GRIA4: variants seen among roughly 807,000 people sequenced by gnomAD.
The protein encoded by GRIA4 is glutamate receptor 4.
A neutral mutation model predicts 104.0 loss-of-function variants in GRIA4; 34 were observed. The ratio of observed to expected loss-of-function variants is 0.33; its 90% CI spans 0.25 to 0.44. GRIA4 has a LOEUF of 0.44. GRIA4 is among the 20% of genes least tolerant of loss of function. The pLI is 1.00. For missense variants in GRIA4, 750 were observed against 1,096.5 expected, an observed-to-expected ratio of 0.68 and a Z score of 4.46; for synonymous variants, 386 against 381.9, an observed-to-expected ratio of 1.01 and a Z score of -0.13.
chr11:105,726,036 T>C (rs1024144220), intron 3 of GRIA4, among the ~76,000 whole-genome samples: 1 of 152,044 alleles, frequency 6.6e-6, no homozygotes, highest in Non-Finnish European at 1.5e-5. Flanking sequence ...GCAATGCCAT[T>C]GAGACAGAAC....
intron 6 of GRIA4, 151 bp from the exon 7 acceptor site, chr11:105,898,118 T>G (rs1197630393): frequency 2.1e-6 from 1 of 476,968 alleles, no homozygotes; most frequent in Non-Finnish European, 3.7e-6. Flanking sequence ...TAATTAGATT[T>G]TCCACATCTT....
Position 105,980,650 on chromosome 11 carries a change from T to C in GRIA4, c.*911T>C, listed in dbSNP as rs1023869262. ...TGGTATTATTTATAATCTCATTCTGTGTACAACATTGTGGTTTTTGTACCC... is the reference window on the plus strand; with the variant it reads ...TGGTATTATTTATAATCTCATTCTGCGTACAACATTGTGGTTTTTGTACCC... On this transcript the variant is annotated 3_prime_UTR_variant, in exon 17 of 17. Coordinates refer to ENST00000282499, the MANE Select transcript of GRIA4 (RefSeq NM_000829.4). 1 of 152,672 alleles carries C rather than the reference T, an allele frequency of 6.5e-6. No homozygotes were observed. Among genetic ancestry groups the C allele is most frequent in the Non-Finnish European group, 1.5e-5 (1 of 68,040 alleles). The allele number at this position is 152,672 out of a possible 1,614,324, so 9.5% of individuals were successfully genotyped here.
At chr11:105,643,336 C>T (rs1218178550) in intron 3 of GRIA4, among the ~76,000 whole-genome samples, 1 of 152,050 alleles carries the variant, frequency 6.6e-6, no homozygotes, top group Non-Finnish European at 1.5e-5. Context: ...ATGTTAAGAT[C>T]AAGAAAAGGA....
At chr11:105,783,557 GCTGCT>G (rs1941819796) in intron 4 of GRIA4, among the ~76,000 whole-genome samples, 1 of 152,172 alleles carries the variant, frequency 6.6e-6, no homozygotes, top group Non-Finnish European at 1.5e-5. Context: ...AACCAGAACA[GCTGCT>G]CATCAGAAAC....
chr11:105,685,580 ATTACT>A (rs775987202), intron 3 of GRIA4, among the ~76,000 whole-genome samples: 17 of 152,210 alleles, frequency 1.1e-4, no homozygotes, highest in African/African-American at 2.7e-4. Flanking sequence ...TTTGAAACTA[ATTACT>A]TTAATTATAT....
At position 105,883,342 on chromosome 11, in the gene GRIA4, T is replaced by G. The variant is rs146561952; in HGVS notation, c.673-4177T>G. ...GTGCACAATGTGCAGGTTTGTTACA[T>G]ATGTATACATGCGCCATGTTGGTGT... On this transcript the variant is annotated intron_variant, in intron 5 of 16. Coordinates refer to ENST00000282499, the MANE Select transcript of GRIA4 (RefSeq NM_000829.4). 7.9e-5 allele frequency among the ~76,000 whole-genome samples: 12 copies of G among 151,612 alleles called. No individual in the cohort carries two copies. The East Asian group carries it at 2.3e-3, about 30-fold the overall frequency.
Position 105,911,612 on chromosome 11 carries a change from T to C in GRIA4, c.1269+1067T>C, listed in dbSNP as rs181103795. Among the ~76,000 whole-genome samples the C allele has an allele frequency of 2.6e-5, 4 of 151,240 alleles. No homozygotes were observed. The East Asian group carries it at 5.8e-4, about 22-fold the overall frequency. On this transcript the variant is annotated intron_variant, in intron 10 of 16. Transcript: ENST00000282499. ...AATGCCAGAGAGAAGCCTTCATATGTTGTACTTAGTTTTAACTGTGTTGCA... is the reference window on the plus strand; with the variant it reads ...AATGCCAGAGAGAAGCCTTCATATGCTGTACTTAGTTTTAACTGTGTTGCA...
At chr11:105,862,907 C>G (rs1014237901) in intron 5 of GRIA4, among the ~76,000 whole-genome samples, 2 of 152,176 alleles carry the variant, frequency 1.3e-5, no homozygotes, top group African/African-American at 4.8e-5. Flanking sequence ...CTGCCTTTCC[C>G]TACCCCTGCA....
chr11:105,622,403 G>A (rs1273727760), intron 3 of GRIA4, among the ~76,000 whole-genome samples: 5 of 151,694 alleles, frequency 3.3e-5, no homozygotes, highest in African/African-American at 4.8e-5. Context: ...AAAGTGCTTT[G>A]AACTGCTACA....
intron 3 of GRIA4, among the ~76,000 whole-genome samples, chr11:105,720,785 CA>C (rs1471919119): frequency 6.6e-6 from 1 of 152,158 alleles, no homozygotes; most frequent in Non-Finnish European, 1.5e-5. Flanking sequence ...AGAGAAACTG[CA>C]GGATTGTGCA....
chr11:105,614,246 G>C (rs1170369663), intron 3 of GRIA4: 1 of 151,082 alleles, frequency 6.6e-6, no homozygotes, highest in Non-Finnish European at 1.5e-5. Context: ...GTTTTATTTT[G>C]TTTCATTTTT....
intron 14 of GRIA4, among the ~76,000 whole-genome samples, chr11:105,951,758 G>C (rs1001317447): frequency 2.0e-5 from 3 of 151,984 alleles, no homozygotes; most frequent in Non-Finnish European, 4.4e-5. Context: ...AGGAGTTCGA[G>C]ACCAGCATGG....
Position 105,981,592 on chromosome 11 carries a change from A to ACACACAC in GRIA4, c.*1853_*1854insCACACAC, listed in dbSNP as rs765255898. 1,305 of 46,142 alleles carry ACACACAC rather than the reference A, an allele frequency of 0.028. 23 individuals carry two copies. Among genetic ancestry groups the ACACACAC allele is most frequent in the African/African-American group, 0.072 (1,028 of 14,230 alleles). The allele number at this position is 46,142 out of a possible 1,614,324, so 2.9% of individuals were successfully genotyped here. A position where few individuals can be genotyped will look rare whatever the true frequency, so the allele number is the denominator to read the frequency against. Reference sequence around the variant, plus strand: ...ACACACACACACACACACACACACAAGTCCCTCAGGAAAAATTCCAAGCTC... The same window carrying ACACACAC: ...ACACACACACACACACACACACACAACACACACGTCCCTCAGGAAAAATTCCAAGCTC... On this transcript the variant is annotated 3_prime_UTR_variant, in exon 17 of 17. Transcript: ENST00000282499.
chr11:105,618,925 T>C lies in GRIA4; in HGVS notation c.247+6491T>C, dbSNP rs562533917. On this transcript the variant is annotated intron_variant, in intron 3 of 16. Transcript: ENST00000282499. ...GGAAAATGAGGCAAGAGTAATTTCA[T>C]AGAAGCCAAAAGATAGGGAACCTGT... 8.7e-4 allele frequency among the ~76,000 whole-genome samples: 133 copies of C among 152,058 alleles called. 1 individual carries two copies. Among genetic ancestry groups the C allele is most frequent in the African/African-American group, 3.2e-3 (131 of 41,518 alleles).
intron 3 of GRIA4, among the ~76,000 whole-genome samples, chr11:105,682,041 TATA>T (rs569161082): frequency 2.7e-4 from 41 of 151,354 alleles, no homozygotes; most frequent in African/African-American, 7.3e-4. Context: ...CTCTGTCTAA[TATA>T]ATAATAATAA....
rs140471863 is a variant in GRIA4 at position 105,722,636 on chromosome 11, T to G, written c.248-30345T>G. Among the ~76,000 whole-genome samples the G allele has an allele frequency of 5.1e-4, 77 of 152,276 alleles. 1 individual carries two copies. The East Asian group carries it at 0.014, about 29-fold the overall frequency. ...CATCATAACTTTACTGATACTACTA[T>G]TTCTTTAATACCTTCTCTACTTTCT... On this transcript the variant is annotated intron_variant, in intron 3 of 16. Transcript: ENST00000282499.
chr11:105,718,751 C>T (rs914800055), intron 3 of GRIA4, among the ~76,000 whole-genome samples: 1 of 152,224 alleles, frequency 6.6e-6, no homozygotes. Context: ...TGGATACTCA[C>T]GGAAGGAGAG....
At chr11:105,688,999 C>G (rs7106983) in intron 3 of GRIA4, among the ~76,000 whole-genome samples, 71,385 of 151,664 alleles carry the variant, frequency 0.47, 17,674 homozygotes, top group Admixed American at 0.58. Flanking sequence ...AATACTCTGG[C>G]AGATGAAAAG....
At chr11:105,667,273 T>C (rs959320857) in intron 3 of GRIA4, among the ~76,000 whole-genome samples, 2 of 152,012 alleles carry the variant, frequency 1.3e-5, no homozygotes, top group Admixed American at 1.3e-4. Context: ...GAGGTTATTA[T>C]ATAACTTACT....
Sources: gnomAD v4.1 joint callset for allele counts (sites outside exome capture counted in the v4.1 genomes callset) on GRCh38, gnomAD v4.1.1 for gene constraint, MANE v1.5 for transcripts, NCBI Gene and HGNC (gene_info 2026-07-23, HGNC 2026-07-21) for gene names.